The following STAU1 variants were observed in gnomAD, a reference collection of about 807,000 sequenced individuals.
STAU1 encodes the protein staufen double-stranded RNA binding protein 1.
STAU1 carries 13 observed loss-of-function variants against 62.9 expected under a neutral mutation model. That is an observed-to-expected ratio of 0.21 (90% CI 0.13 to 0.33). STAU1 has a LOEUF of 0.33. STAU1 is among the 10% of genes least tolerant of loss of function. STAU1 has a pLI of 1.00. For synonymous variants in STAU1, 269 were observed against 265.1 expected (o/e 1.01, Z -0.14); for missense variants, 571 against 712.1 (o/e 0.80, Z 2.25).
At chr20:49,138,590 C>T (rs1287367373) in intron 5 of STAU1, among the ~76,000 whole-genome samples, 1 of 152,150 alleles carries the variant, frequency 6.6e-6, no homozygotes, top group East Asian at 1.9e-4. Context: ...CAGCTTCAAA[C>T]TCCTGACCTC....
intron 3 of STAU1, among the ~76,000 whole-genome samples, chr20:49,160,102 C>T (rs1027178364): frequency 1.3e-5 from 2 of 152,112 alleles, no homozygotes; most frequent in Non-Finnish European, 2.9e-5. Flanking sequence ...TCACAATAAA[C>T]CTATTTGGTG....
chr20:49,207,855 T>C, the STAU1 span, among the ~76,000 whole-genome samples: 1 of 151,858 alleles, frequency 6.6e-6, no homozygotes, highest in Non-Finnish European at 1.5e-5. Flanking sequence ...CCGAGACTGT[T>C]TGGGGGTTGT....
intron 2 of STAU1, among the ~76,000 whole-genome samples, chr20:49,169,873 G>A (rs1007838381): frequency 6.6e-6 from 1 of 152,138 alleles, no homozygotes; most frequent in Non-Finnish European, 1.5e-5. Context: ...CATAATACAA[G>A]CTGCAAAATG....
intron 1 of STAU1, among the ~76,000 whole-genome samples, chr20:49,180,031 G>A (rs999243745): frequency 3.9e-5 from 6 of 152,188 alleles, no homozygotes; most frequent in Non-Finnish European, 7.3e-5. Context: ...AGAGAAGACT[G>A]CCCAGGTGGA....
intron 6 of STAU1, among the ~76,000 whole-genome samples, chr20:49,131,982 T>C (rs1239256767): frequency 6.6e-6 from 1 of 151,932 alleles, no homozygotes; most frequent in Non-Finnish European, 1.5e-5. Flanking sequence ...AAGTAAAAAA[T>C]TGAAAAAATG....
At chr20:49,139,545 T>G (rs984447795) in intron 5 of STAU1, among the ~76,000 whole-genome samples, 3 of 151,590 alleles carry the variant, frequency 2.0e-5, no homozygotes. Flanking sequence ...GCCAACATGG[T>G]GAAATACCAT....
chr20:49,184,597 T>C (rs1255488799), intron 1 of STAU1, among the ~76,000 whole-genome samples: 2 of 152,216 alleles, frequency 1.3e-5, no homozygotes, highest in Non-Finnish European at 2.9e-5. Context: ...AATCTGTATA[T>C]ACATGGACTT....
rs542657515 is a variant in STAU1, at chr20:49,168,183, C to T, written c.-84-1898G>A. Reference sequence around the variant, plus strand: ...GCAACCTCTGCCTCCTGGGCTCAAGCAATTTTCCTGCCTCAGTCTCCCAAG... The same window carrying T: ...GCAACCTCTGCCTCCTGGGCTCAAGTAATTTTCCTGCCTCAGTCTCCCAAG... On this transcript the variant is annotated intron_variant, in intron 2 of 13. Coordinates refer to ENST00000371856, the MANE Select transcript of STAU1 (RefSeq NM_017453.4). 3.3e-5 allele frequency among the ~76,000 whole-genome samples: 5 copies of T among 151,710 alleles called. No individual in the cohort carries two copies. In the South Asian group the frequency reaches 8.3e-4, roughly 25 times the overall value.
intron 2 of STAU1, among the ~76,000 whole-genome samples, chr20:49,169,541 T>C (rs900513376): frequency 4.6e-5 from 7 of 152,236 alleles, no homozygotes; most frequent in Admixed American, 3.3e-4. Flanking sequence ...CTTTAAGGAT[T>C]GTTTTCCACC....
At chr20:49,208,179 C>A in the STAU1 span, among the ~76,000 whole-genome samples, 5 of 152,294 alleles carry the variant, frequency 3.3e-5, no homozygotes, top group African/African-American at 1.2e-4. Context: ...CCTGCCTGAG[C>A]CTTCCAAGTA....
chr20:49,192,345 CAA>C (rs575816817), upstream of STAU1, among the ~76,000 whole-genome samples: 20 of 67,600 alleles, frequency 3.0e-4, no homozygotes, highest in Admixed American at 6.3e-4. Flanking sequence ...GACTCCATCT[CAA>C]AAAAAAAAAA....
the STAU1 span, among the ~76,000 whole-genome samples, chr20:49,203,876 G>C: frequency 6.6e-6 from 1 of 152,042 alleles, no homozygotes; most frequent in Non-Finnish European, 1.5e-5. Flanking sequence ...TAGTAGAGAC[G>C]GGGTTTCATC....
intron 2 of STAU1, among the ~76,000 whole-genome samples, chr20:49,168,662 CT>C (rs2093558169): frequency 6.6e-6 from 1 of 152,086 alleles, no homozygotes; most frequent in African/African-American, 2.4e-5. Context: ...TTTTATGTGT[CT>C]TATTTAAGCC....
intron 3 of STAU1, chr20:49,158,391 G>A (rs1017044982): frequency 8.1e-7 from 1 of 1,237,866 alleles, no homozygotes; most frequent in Non-Finnish European, 1.1e-6. Context: ...ATTTCAGTAT[G>A]TCTAGGTCAT....
chr20:49,145,126 C>T (rs2093097574), intron 5 of STAU1, among the ~76,000 whole-genome samples: 1 of 152,118 alleles, frequency 6.6e-6, no homozygotes, highest in Admixed American at 6.6e-5. Context: ...GAAAAAGCAG[C>T]TTAAAAAATG....
chr20:49,183,297 AGG>A (rs536745397), intron 1 of STAU1, among the ~76,000 whole-genome samples: 3 of 152,178 alleles, frequency 2.0e-5, no homozygotes, highest in Non-Finnish European at 4.4e-5. Context: ...TTGAGAGGGG[AGG>A]AATTTATATT....
chr20:49,198,846 C>T, the STAU1 span, among the ~76,000 whole-genome samples: 2 of 152,134 alleles, frequency 1.3e-5, no homozygotes, highest in Non-Finnish European at 2.9e-5. Flanking sequence ...GCCTATAGTC[C>T]CAGCTACTTT....
intron 6 of STAU1, chr20:49,134,434 G>GAAAAAAAAAAAAAAAACAAAAAA (rs3091730): frequency 2.8e-6 from 1 of 361,966 alleles, no homozygotes. Context: ...TCATCTCAGG[G>GAAAAAAAAAAAAAAAACAAAAAA]AAAAAAAAAA....
In STAU1 at chr20:49,168,230, G is replaced by A. The variant is rs144395194; in HGVS notation, c.-84-1945C>T. 5.5e-3 allele frequency among the ~76,000 whole-genome samples: 835 copies of A among 152,054 alleles called. 8 individuals are homozygous for A. Among genetic ancestry groups the A allele is most frequent in the African/African-American group, 0.018 (764 of 41,478 alleles). On this transcript the variant is annotated intron_variant, in intron 2 of 13. Transcript: ENST00000371856. ...CAAGTAGCTAGGATTACAGGCATGA[G>A]CCACCATGCCTGGCTAGTTTTTGTA... is the stretch of plus-strand genomic sequence containing the variant.
Sources: gnomAD v4.1 joint callset for allele counts (sites outside exome capture counted in the v4.1 genomes callset) on GRCh38, gnomAD v4.1.1 for gene constraint, MANE v1.5 for transcripts, NCBI Gene and HGNC (gene_info 2026-07-23, HGNC 2026-07-21) for gene names.